Variants in GRIK1 observed in about 807,000 individuals in gnomAD.
GRIK1 encodes glutamate ionotropic receptor kainate type subunit 1.
A neutral mutation model predicts 105.7 loss-of-function variants in GRIK1; 69 were observed. The ratio of observed to expected loss-of-function variants is 0.65; its 90% CI spans 0.54 to 0.80. The LOEUF (loss-of-function observed/expected upper bound fraction) is 0.80, where lower values mean the gene tolerates loss of function less well. GRIK1 is among the 30% of genes least tolerant of loss of function. The pLI, the probability that GRIK1 is intolerant of heterozygous loss-of-function variation, is 0.00. For missense variants in GRIK1, 1,109 were observed against 1,167.3 expected (o/e 0.95, Z 0.73); for synonymous variants, 438 against 431.3 (o/e 1.02, Z -0.19).
chr21:29,589,635 C>T (rs1354409100), intron 10 of GRIK1, among the ~76,000 whole-genome samples: 2 of 151,886 alleles, frequency 1.3e-5, no homozygotes, highest in African/African-American at 4.8e-5. Flanking sequence ...CCATGTTGGT[C>T]CAGGATGGTC....
chr21:29,772,849 G>GA (rs1265967340), intron 1 of GRIK1, among the ~76,000 whole-genome samples: 2 of 152,146 alleles, frequency 1.3e-5, no homozygotes, highest in Admixed American at 1.3e-4. Context: ...TCATGTTTCA[G>GA]AAAAATTTTA....
At chr21:29,560,312 T>TTTC (rs2090370161) in intron 15 of GRIK1, among the ~76,000 whole-genome samples, 2 of 118,306 alleles carry the variant, frequency 1.7e-5, no homozygotes, top group South Asian at 5.5e-4. Context: ...TCTTTCTTTC[T>TTTC]TTCTTTCTTT....
chr21:29,567,474 G>A (rs982762914), intron 14 of GRIK1, among the ~76,000 whole-genome samples: 6 of 151,910 alleles, frequency 3.9e-5, no homozygotes, highest in Admixed American at 2.0e-4. Context: ...TTTATATATC[G>A]ATCTGTGTTT....
intron 1 of GRIK1, among the ~76,000 whole-genome samples, chr21:29,877,401 T>C (rs1245186923): frequency 6.6e-6 from 1 of 152,174 alleles, no homozygotes. Flanking sequence ...TAACAGGCTT[T>C]AGACAAAATA....
intron 1 of GRIK1, among the ~76,000 whole-genome samples, chr21:29,908,344 C>T (rs1431237259): frequency 6.6e-6 from 1 of 152,064 alleles, no homozygotes; most frequent in Admixed American, 6.6e-5. Flanking sequence ...ACCTTTTTCC[C>T]CTTGTTCCTC....
At chr21:29,568,649 G>A (rs2090666888) in intron 14 of GRIK1, among the ~76,000 whole-genome samples, 1 of 152,226 alleles carries the variant, frequency 6.6e-6, no homozygotes, top group Non-Finnish European at 1.5e-5. Flanking sequence ...TACAAGGCAA[G>A]CTTCTACTGA....
chr21:29,772,876 T>A (rs989249514), intron 1 of GRIK1, among the ~76,000 whole-genome samples: 1 of 152,256 alleles, frequency 6.6e-6, no homozygotes, highest in African/African-American at 2.4e-5. Flanking sequence ...CATTGAACTT[T>A]GTTACTATGT....
At chr21:29,670,351 G>A (rs557309275) in intron 4 of GRIK1, among the ~76,000 whole-genome samples, 6 of 152,260 alleles carry the variant, frequency 3.9e-5, no homozygotes, top group African/African-American at 1.2e-4. Flanking sequence ...CCTACTCCCC[G>A]CTGTACCAGC....
At chr21:29,601,346 A>G (rs562960947) in intron 7 of GRIK1, 51 of 389,970 alleles carry the variant, frequency 1.3e-4, no homozygotes, top group Admixed American at 5.1e-4. Context: ...CAGGGTCTCT[A>G]GTTTGCAGAT....
chr21:29,641,118 A>T (rs938854734), intron 7 of GRIK1, among the ~76,000 whole-genome samples: 1 of 152,188 alleles, frequency 6.6e-6, no homozygotes, highest in African/African-American at 2.4e-5. Context: ...GGGGTAGATG[A>T]TACTATACCC....
chr21:29,921,203 T>C (rs1486384702), intron 1 of GRIK1, among the ~76,000 whole-genome samples: 1 of 137,748 alleles, frequency 7.3e-6, no homozygotes, highest in African/African-American at 3.1e-5. Flanking sequence ...AAATGTCCCC[T>C]GGAAGAAAAA....
chr21:29,884,458 C>A (rs2069534586), intron 1 of GRIK1, among the ~76,000 whole-genome samples: 1 of 151,862 alleles, frequency 6.6e-6, no homozygotes, highest in Non-Finnish European at 1.5e-5. Flanking sequence ...CTACTCCCAC[C>A]CCCGACTCTT....
chr21:29,752,237 C>G (rs75692951), intron 1 of GRIK1, among the ~76,000 whole-genome samples: 2,086 of 152,288 alleles, frequency 0.014, 28 homozygotes, highest in Non-Finnish European at 0.021. Flanking sequence ...CTAGAATGGG[C>G]TGGGACTTGC....
At chr21:29,630,148 A>C (rs1302839645) in intron 7 of GRIK1, among the ~76,000 whole-genome samples, 2 of 152,228 alleles carry the variant, frequency 1.3e-5, no homozygotes, top group Non-Finnish European at 2.9e-5. Flanking sequence ...TTTGAAAAGA[A>C]AGAGAAGCCA....
chr21:29,938,695 C>A (rs2071861483), intron 1 of GRIK1, among the ~76,000 whole-genome samples: 1 of 152,108 alleles, frequency 6.6e-6, no homozygotes, highest in African/African-American at 2.4e-5. Flanking sequence ...GGCAGGCAAG[C>A]GGGCAAATTA....
chr21:29,734,389 T>C (rs1482786585), intron 1 of GRIK1, among the ~76,000 whole-genome samples: 1 of 95,252 alleles, frequency 1.0e-5, no homozygotes, highest in Non-Finnish European at 2.2e-5. Context: ...TTCTTTTCTT[T>C]TCTTTTCTTT....
intron 1 of GRIK1, among the ~76,000 whole-genome samples, chr21:29,884,734 A>G (rs570159527): frequency 6.6e-6 from 1 of 152,216 alleles, no homozygotes; most frequent in South Asian, 2.1e-4. Context: ...TCAAGACGAG[A>G]CAACGGAGAT....
intron 1 of GRIK1, among the ~76,000 whole-genome samples, chr21:29,818,402 T>C (rs1270731235): frequency 1.3e-5 from 2 of 152,112 alleles, no homozygotes; most frequent in Non-Finnish European, 2.9e-5. Context: ...TTCTTAGCCC[T>C]GTCTCCATGG....
At position 29,828,310 on chromosome 21, in the gene GRIK1, A is replaced by G. The variant is rs1569137626; in HGVS notation, c.118+111073T>C. On this transcript the variant is annotated intron_variant, in intron 1 of 17. Transcript: ENST00000327783. ...AACAGACTGCCACAAACCCTAAATC[A>G]TTTATACCGAAAAACCTTAGTAATT... Among the ~76,000 whole-genome samples the G allele has an allele frequency of 2.6e-5, 4 of 152,120 alleles. No homozygotes were observed. The South Asian group carries it at 6.2e-4, about 24-fold the overall frequency.
Sources: gnomAD v4.1 joint callset for allele counts (sites outside exome capture counted in the v4.1 genomes callset) on GRCh38, gnomAD v4.1.1 for gene constraint, MANE v1.5 for transcripts, NCBI Gene and HGNC (gene_info 2026-07-23, HGNC 2026-07-21) for gene names.